The following GRM7 variants were observed in gnomAD, a reference collection of about 807,000 sequenced individuals.
GRM7 encodes the protein glutamate metabotropic receptor 7.
In GRM7, 35 loss-of-function variants were observed where a neutral mutation model predicts 84.5. The observed-to-expected ratio is 0.41, with a 90% CI of 0.32 to 0.55. The LOEUF (loss-of-function observed/expected upper bound fraction) is 0.55, where lower values mean the gene tolerates loss of function less well. GRM7 is among the 20% of genes least tolerant of loss of function. The pLI is 0.19. For synonymous variants in GRM7, 487 were observed against 455.1 expected (o/e 1.07, Z -0.89); for missense variants, 1,003 against 1,194.6 (o/e 0.84, Z 2.36).
At chr3:6,900,038 C>T (rs527685408) in intron 1 of GRM7, among the ~76,000 whole-genome samples, 1 of 152,146 alleles carries the variant, frequency 6.6e-6, no homozygotes, top group Non-Finnish European at 1.5e-5. Flanking sequence ...ACAGATATAA[C>T]AGCTAATTCA....
chr3:7,362,586 A>G (rs1693713208), intron 4 of GRM7, among the ~76,000 whole-genome samples: 1 of 152,016 alleles, frequency 6.6e-6, no homozygotes, highest in Non-Finnish European at 1.5e-5. Context: ...TCTACTTGAT[A>G]GGTATTGGTG....
At chr3:7,283,018 T>C (rs1242853400) in intron 2 of GRM7, among the ~76,000 whole-genome samples, 1 of 152,200 alleles carries the variant, frequency 6.6e-6, no homozygotes, top group East Asian at 1.9e-4. Context: ...ATGAGATTAC[T>C]CTTCTATTTC....
intron 1 of GRM7, among the ~76,000 whole-genome samples, chr3:7,039,989 C>T (rs890593162): frequency 3.3e-5 from 5 of 152,146 alleles, no homozygotes; most frequent in Admixed American, 2.6e-4. Context: ...CTAGCAATTG[C>T]TTGGCAATTA....
intron 9 of GRM7, among the ~76,000 whole-genome samples, chr3:7,684,207 TCTTAA>T (rs1173213787): frequency 3.9e-5 from 6 of 152,212 alleles, no homozygotes; most frequent in African/African-American, 1.4e-4. Flanking sequence ...ATCTCTAATA[TCTTAA>T]CTTTTGTAAC....
At chr3:7,353,942 A>G (rs1693273945) in intron 4 of GRM7, among the ~76,000 whole-genome samples, 1 of 152,172 alleles carries the variant, frequency 6.6e-6, no homozygotes, top group South Asian at 2.1e-4. Context: ...AGTGAAAAAG[A>G]TAGGAAGGCT....
Position 6,928,636 on chromosome 3 carries a change from G to C in GRM7, c.519+66729G>C, listed in dbSNP as rs1441118209. ...ACTTTTTCATTATAGCCCAGATTTT[G>C]CCAGGCAAACAACTTGATAGAATCA... On this transcript the variant is annotated intron_variant, in intron 1 of 9. Transcript: ENST00000357716. This position sits in a 1 kb window ranked among gnomAD's most constrained non-coding sequence, Gnocchi z 4.5. 6.6e-6 allele frequency among the ~76,000 whole-genome samples: 1 copy of C among 152,088 alleles called. No individual in the cohort carries two copies. Among genetic ancestry groups the C allele is most frequent in the Non-Finnish European group, 1.5e-5 (1 of 68,024 alleles).
chr3:7,717,440 A>T (rs1273826108), intron 9 of GRM7, among the ~76,000 whole-genome samples: 1 of 152,206 alleles, frequency 6.6e-6, no homozygotes, highest in Non-Finnish European at 1.5e-5. Context: ...TTTCTCCACC[A>T]GAAAACAGAG....
chr3:7,303,423 G>A (rs1473037494), intron 3 of GRM7, among the ~76,000 whole-genome samples: 4 of 151,974 alleles, frequency 2.6e-5, no homozygotes, highest in African/African-American at 9.6e-5. Flanking sequence ...ATGTGTACGT[G>A]TTACAATTTT....
At chr3:7,340,317 A>AT (rs1392612366) in intron 4 of GRM7, among the ~76,000 whole-genome samples, 1 of 152,158 alleles carries the variant, frequency 6.6e-6, no homozygotes, top group African/African-American at 2.4e-5. Flanking sequence ...GGTTTAATTG[A>AT]TTCACAGTTC....
intron 1 of GRM7, among the ~76,000 whole-genome samples, chr3:7,064,479 T>TATATATATATATATACAC: frequency 0.035 from 3,415 of 98,708 alleles, 210 homozygotes; most frequent in Admixed American, 0.093. Flanking sequence ...TATATATATA[T>TATATATATATATATACAC]ACACACATAT....
intron 8 of GRM7, among the ~76,000 whole-genome samples, chr3:7,611,494 A>G (rs1696844640): frequency 6.6e-6 from 1 of 152,172 alleles, no homozygotes; most frequent in African/African-American, 2.4e-5. Context: ...CATCATGCCT[A>G]ACAATCAGCC....
intron 4 of GRM7, among the ~76,000 whole-genome samples, chr3:7,413,395 A>T (rs929142175): frequency 3.9e-5 from 6 of 152,214 alleles, no homozygotes; most frequent in Admixed American, 1.3e-4. Flanking sequence ...AAACTTCAAG[A>T]CTTAATTTAT....
At chr3:7,111,683 T>C (rs1692856595) in intron 1 of GRM7, among the ~76,000 whole-genome samples, 1 of 152,170 alleles carries the variant, frequency 6.6e-6, no homozygotes, top group Admixed American at 6.5e-5. Context: ...TTCAACTGCA[T>C]TTTCTTCACA....
At chr3:7,261,706 T>A (rs1698428564) in intron 2 of GRM7, among the ~76,000 whole-genome samples, 1 of 152,234 alleles carries the variant, frequency 6.6e-6, no homozygotes, top group African/African-American at 2.4e-5. Context: ...TGTACTTACG[T>A]GTGTCTTGCA....
rs560115785 is a variant in GRM7 at position 7,017,438 on chromosome 3, C to T, written c.520-129014C>T. Among the ~76,000 whole-genome samples, 17 of 152,236 alleles carry T rather than the reference C, an allele frequency of 1.1e-4. No homozygotes were observed. The East Asian group carries it at 3.1e-3, about 28-fold the overall frequency. On this transcript the variant is annotated intron_variant, in intron 1 of 9. Coordinates refer to ENST00000357716, the MANE Select transcript of GRM7 (RefSeq NM_000844.4). ...CCAAAAAATATCAACAGGCCATGAG[C>T]TGGGCAAGCGAGTCAATTTTGCTAA... is the stretch of plus-strand genomic sequence containing the variant.
chr3:7,325,949 T>C (rs1025030882), intron 4 of GRM7, among the ~76,000 whole-genome samples: 1 of 152,118 alleles, frequency 6.6e-6, no homozygotes, highest in East Asian at 1.9e-4. Context: ...CAGACCTGAA[T>C]GTGTGTTTCA....
Position 7,548,449 on chromosome 3 carries a change from T to G in GRM7, c.1516-29973T>G, listed in dbSNP as rs144612410. Among the ~76,000 whole-genome samples, 934 of 152,308 alleles carry G rather than the reference T, an allele frequency of 6.1e-3. 10 individuals are homozygous for G. The highest frequency in any genetic ancestry group is 9.4e-3 in the Non-Finnish European group (640 of 68,026). On this transcript the variant is annotated intron_variant, in intron 7 of 9. Coordinates refer to ENST00000357716, the MANE Select transcript of GRM7 (RefSeq NM_000844.4). Reference sequence around the variant, plus strand: ...GAATGATGGGCTAAATAAACCTCTTTATAAATTTCCCAGCCTCAGGTGTTT... The same window carrying G: ...GAATGATGGGCTAAATAAACCTCTTGATAAATTTCCCAGCCTCAGGTGTTT...
intron 7 of GRM7, among the ~76,000 whole-genome samples, chr3:7,475,007 T>C (rs1372979505): frequency 1.3e-5 from 2 of 152,192 alleles, no homozygotes; most frequent in Non-Finnish European, 2.9e-5. Context: ...GGCCAATAGG[T>C]GTGGATTCCT....
Position 7,053,510 on chromosome 3 carries a change from A to G in GRM7, c.520-92942A>G, listed in dbSNP as rs116103992. The stretch of plus-strand genomic sequence containing the variant: ...TTCTCTAGAAATTTTATAGTCTTAA[A>G]TCTTACATTAATGTCTATAATTCAC... On this transcript the variant is annotated intron_variant, in intron 1 of 9. Coordinates refer to ENST00000357716, the MANE Select transcript of GRM7 (RefSeq NM_000844.4). Among the ~76,000 whole-genome samples, 1,236 of 151,822 alleles carry G rather than the reference A, an allele frequency of 8.1e-3. 8 individuals carry two copies. Among genetic ancestry groups the G allele is most frequent in the African/African-American group, 0.02 (819 of 41,540 alleles).
Sources: allele counts gnomAD v4.1 joint callset (sites outside exome capture counted in the v4.1 genomes callset), GRCh38; gene constraint gnomAD v4.1.1; non-coding constraint Gnocchi (gnomAD v3.1); transcripts MANE v1.5; gene names NCBI Gene and HGNC (gene_info 2026-07-23, HGNC 2026-07-21).